CAMK2D: variants seen among roughly 807,000 people sequenced by gnomAD.
CAMK2D encodes calcium/calmodulin-dependent protein kinase type II subunit delta.
A neutral mutation model predicts 84.0 loss-of-function variants in CAMK2D; 37 were observed. That is an observed-to-expected ratio of 0.44 (90% CI 0.34 to 0.58). The LOEUF is 0.58. Among genes scored for constraint, CAMK2D ranks in the 20% least tolerant of loss-of-function variants. The pLI is 0.02. For missense variants in CAMK2D, 448 were observed against 652.5 expected, an observed-to-expected ratio of 0.69 and a Z score of 3.41; for synonymous variants, 202 against 212.5, an observed-to-expected ratio of 0.95 and a Z score of 0.43.
At chr4:113,688,365 T>C (rs1045824249) in intron 2 of CAMK2D, among the ~76,000 whole-genome samples, 4 of 152,244 alleles carry the variant, frequency 2.6e-5, no homozygotes, top group Non-Finnish European at 5.9e-5. Context: ...TCTTTAAATA[T>C]GTGAAAATAA....
intron 4 of CAMK2D, among the ~76,000 whole-genome samples, chr4:113,566,758 C>G (rs887543644): frequency 1.3e-5 from 2 of 152,182 alleles, no homozygotes; most frequent in Non-Finnish European, 2.9e-5. Flanking sequence ...CAGATCTTCT[C>G]AACATTTAGG....
chr4:113,653,056 A>AT (rs1385731928), intron 3 of CAMK2D, among the ~76,000 whole-genome samples: 1 of 152,134 alleles, frequency 6.6e-6, no homozygotes, highest in Non-Finnish European at 1.5e-5. Context: ...TGAATATACA[A>AT]TTTTTATATT....
At chr4:113,597,099 T>C (rs1213732770) in intron 4 of CAMK2D, among the ~76,000 whole-genome samples, 4 of 152,194 alleles carry the variant, frequency 2.6e-5, no homozygotes, top group Non-Finnish European at 4.4e-5. Flanking sequence ...ATTACAGGCA[T>C]GAGCCACCGC....
chr4:113,559,221 G>A (rs867427670), intron 4 of CAMK2D, among the ~76,000 whole-genome samples: 2 of 152,078 alleles, frequency 1.3e-5, no homozygotes, highest in African/African-American at 4.8e-5. Context: ...GAAACAATTT[G>A]AATACACAGA....
intron 1 of CAMK2D, 39 bp from the exon 2 acceptor site, chr4:113,759,453 T>C (rs764609818): frequency 2.5e-6 from 3 of 1,181,906 alleles, no homozygotes; most frequent in African/African-American, 3.1e-5. Context: ...ATATAACAGA[T>C]ATAATATTTC....
chr4:113,685,561 A>C (rs1454860025), intron 2 of CAMK2D, among the ~76,000 whole-genome samples: 1 of 152,140 alleles, frequency 6.6e-6, no homozygotes, highest in Non-Finnish European at 1.5e-5. Flanking sequence ...TTTAAATAGG[A>C]AACACATGAG....
At chr4:113,713,401 T>C (rs2099500385) in intron 2 of CAMK2D, among the ~76,000 whole-genome samples, 1 of 145,774 alleles carries the variant, frequency 6.9e-6, no homozygotes, top group Non-Finnish European at 1.5e-5. Flanking sequence ...TACATGACAT[T>C]AATATTAATA....
intron 3 of CAMK2D, among the ~76,000 whole-genome samples, chr4:113,655,389 T>C (rs903840737): frequency 6.6e-6 from 1 of 152,030 alleles, no homozygotes; most frequent in African/African-American, 2.4e-5. Flanking sequence ...AGCTATGACG[T>C]GATCTAGAAA....
intron 2 of CAMK2D, among the ~76,000 whole-genome samples, chr4:113,741,731 C>T (rs899603821): frequency 6.6e-6 from 1 of 152,070 alleles, no homozygotes; most frequent in Non-Finnish European, 1.5e-5. Context: ...AAATAAGATC[C>T]AAATTCCTTA....
chr4:113,588,011 C>T (rs1182129572), intron 4 of CAMK2D, among the ~76,000 whole-genome samples: 2 of 152,100 alleles, frequency 1.3e-5, no homozygotes, highest in African/African-American at 2.4e-5. Context: ...GTCAACATTT[C>T]TGGAAAGGGT....
rs73844660 is a variant in CAMK2D at position 113,722,872 on chromosome 4, C to T, written c.160+36448G>A. 9.2e-3 allele frequency among the ~76,000 whole-genome samples: 1,407 copies of T among 152,216 alleles called. 14 individuals carry two copies. The highest frequency in any genetic ancestry group is 0.031 in the African/African-American group (1,281 of 41,530). On this transcript the variant is annotated intron_variant, in intron 2 of 20. Coordinates refer to ENST00000511664, the MANE Select transcript of CAMK2D (RefSeq NM_001321571.2). Reference sequence around the variant, plus strand: ...CAATCACGTTAAGCTATTTCACCTTCACCAAAGCAGAGATGAAGGGGAAGT... The same window carrying T: ...CAATCACGTTAAGCTATTTCACCTTTACCAAAGCAGAGATGAAGGGGAAGT...
chr4:113,670,518 G>A (rs190240171), intron 2 of CAMK2D, among the ~76,000 whole-genome samples: 1 of 151,962 alleles, frequency 6.6e-6, no homozygotes, highest in East Asian at 1.9e-4. Flanking sequence ...GAGGACTGAT[G>A]AGATAAATTT....
chr4:113,565,819 T>C (rs1362560263), intron 4 of CAMK2D, among the ~76,000 whole-genome samples: 2 of 152,074 alleles, frequency 1.3e-5, no homozygotes, highest in African/African-American at 4.8e-5. Context: ...GACAGAAAAC[T>C]AGGATAAATT....
At chr4:113,755,084 T>C in intron 2 of CAMK2D, 1 of 984,702 alleles carries the variant, frequency 1.0e-6, no homozygotes, top group Non-Finnish European at 1.2e-6. Context: ...AGTACTTTCT[T>C]GACTGCCTGG....
intron 2 of CAMK2D, among the ~76,000 whole-genome samples, chr4:113,726,575 T>G (rs1295937943): frequency 2.0e-5 from 3 of 151,754 alleles, no homozygotes; most frequent in Non-Finnish European, 2.9e-5. Context: ...TGTTTGTTTG[T>G]TTGTTTTTGG....
At chr4:113,674,893 C>T (rs2099311881) in intron 2 of CAMK2D, among the ~76,000 whole-genome samples, 1 of 151,946 alleles carries the variant, frequency 6.6e-6, no homozygotes, top group Non-Finnish European at 1.5e-5. Context: ...GGAACTTCTA[C>T]TATTTGCTCC....
At chr4:113,647,184 G>A (rs984318521) in intron 3 of CAMK2D, among the ~76,000 whole-genome samples, 3 of 152,150 alleles carry the variant, frequency 2.0e-5, no homozygotes, top group Admixed American at 6.5e-5. Flanking sequence ...AATCAGGATT[G>A]CCAAGGTTGC....
At chr4:113,503,294 C>T (rs1221599839) in intron 14 of CAMK2D, 1 of 584,144 alleles carries the variant, frequency 1.7e-6, no homozygotes, top group East Asian at 4.2e-5. Flanking sequence ...GCTTTCCTTT[C>T]TTCTTTAATG....
At chr4:113,705,264 T>G (rs745556806) in intron 2 of CAMK2D, among the ~76,000 whole-genome samples, 6 of 150,116 alleles carry the variant, frequency 4.0e-5, no homozygotes, top group Admixed American at 6.6e-5. Context: ...GAGGCGGAGC[T>G]TGCGGTGAGC....
Sources: allele counts gnomAD v4.1 joint callset (sites outside exome capture counted in the v4.1 genomes callset), GRCh38; gene constraint gnomAD v4.1.1; transcripts MANE v1.5; gene names NCBI Gene and HGNC (gene_info 2026-07-23, HGNC 2026-07-21).